The following MED12L variants were observed in gnomAD, a reference collection of about 807,000 sequenced individuals.
MED12L encodes the protein mediator complex subunit 12L.
MED12L carries 60 observed loss-of-function variants against 281.3 expected under a neutral mutation model. That is an observed-to-expected ratio of 0.21 (90% CI 0.17 to 0.26). MED12L has a LOEUF of 0.26. Among genes scored for constraint, MED12L ranks in the 10% least tolerant of loss-of-function variants. MED12L has a pLI of 1.00. For missense variants in MED12L, 2,146 were observed against 2,680.9 expected, an observed-to-expected ratio of 0.80 and a Z score of 4.41; for synonymous variants, 974 against 987.2, an observed-to-expected ratio of 0.99 and a Z score of 0.25.
At chr3:151,432,617 G>A (rs1719661056) in intron 44 of MED12L, 135 bp from the exon 45 acceptor site, 5 of 622,970 alleles carry the variant, frequency 8.0e-6, no homozygotes, top group Non-Finnish European at 1.4e-5. Context: ...GTTTTTCAGG[G>A]CAAGGATAGT....
At chr3:151,223,454 T>C (rs552670947) in intron 16 of MED12L, among the ~76,000 whole-genome samples, 2 of 152,300 alleles carry the variant, frequency 1.3e-5, no homozygotes, top group East Asian at 3.9e-4. Flanking sequence ...TGCCTATCAA[T>C]GATGGATTGG....
rs1293548298 is a variant in MED12L at position 151,160,007 on chromosome 3, G to A, written c.1013G>A (p.Gly338Asp). ...SIGAPSPGPP[G>D]PGMSPVQLAF... ...GGGGCCCCCAGCCCTGGCCCCCCCG[G>A]CCCTGGCATGAGCCCCGTGCAGCTG... The change falls in exon 8 of 45, where the codon GGC (glycine) becomes GAC (aspartate). Residue 338 changes from glycine to aspartate, a missense_variant. Physicochemically the swap from Gly to Asp is moderately conservative, Grantham distance 94. Coordinates refer to ENST00000687756, the MANE Select transcript of MED12L (RefSeq NM_001393769.1). The A allele has an allele frequency of 1.2e-6, 2 of 1,614,138 alleles. No homozygotes were observed. Among genetic ancestry groups the A allele is most frequent in the Non-Finnish European group, 1.7e-6 (2 of 1,179,994 alleles).
chr3:151,415,823 A>G (rs1717471170), intron 42 of MED12L, among the ~76,000 whole-genome samples: 1 of 152,224 alleles, frequency 6.6e-6, no homozygotes, highest in Non-Finnish European at 1.5e-5. Flanking sequence ...GATGTAAATT[A>G]TGCCAGAAGG....
At chr3:151,209,845 A>G (rs1361894320) in intron 16 of MED12L, among the ~76,000 whole-genome samples, 1 of 152,158 alleles carries the variant, frequency 6.6e-6, no homozygotes, top group Non-Finnish European at 1.5e-5. Context: ...AACTCTTTAG[A>G]TTACTCTGTT....
At chr3:151,193,940 T>C (rs1724299068) in intron 16 of MED12L, among the ~76,000 whole-genome samples, 1 of 151,274 alleles carries the variant, frequency 6.6e-6, no homozygotes, top group African/African-American at 2.4e-5. Context: ...CTGCAGGTGA[T>C]GTCTAAATGT....
intron 39 of MED12L, among the ~76,000 whole-genome samples, chr3:151,408,311 A>G (rs769480159): frequency 5.3e-5 from 8 of 152,214 alleles, no homozygotes; most frequent in Non-Finnish European, 1.0e-4. Context: ...CTCTTAAGCT[A>G]CATATTTATC....
intron 16 of MED12L, among the ~76,000 whole-genome samples, chr3:151,312,044 A>AAAC (rs34445658): frequency 0.83 from 125,837 of 151,956 alleles, 52,434 homozygotes; most frequent in African/African-American, 0.93. Context: ...TCCGTCTCAA[A>AAAC]AACAACAACA....
At chr3:151,112,282 CT>C (rs11330453) in intron 2 of MED12L, among the ~76,000 whole-genome samples, 69,164 of 133,038 alleles carry the variant, frequency 0.52, 18,692 homozygotes, top group African/African-American at 0.78. Flanking sequence ...ATTTCTTTTT[CT>C]TTTTTTTTTT....
At chr3:151,126,721 A>G (rs1295963577) in intron 4 of MED12L, among the ~76,000 whole-genome samples, 1 of 152,250 alleles carries the variant, frequency 6.6e-6, no homozygotes, top group African/African-American at 2.4e-5. Flanking sequence ...AGAAAGGGTC[A>G]CATCCATGGC....
At chr3:151,139,826 ATG>A (rs1039719460) in intron 5 of MED12L, among the ~76,000 whole-genome samples, 63 of 152,126 alleles carry the variant, frequency 4.1e-4, no homozygotes, top group African/African-American at 1.4e-3. Context: ...TGAGGAGTTT[ATG>A]GACAATAGGC....
At chr3:151,161,657 A>C (rs1720005861) in intron 8 of MED12L, among the ~76,000 whole-genome samples, 2 of 152,226 alleles carry the variant, frequency 1.3e-5, no homozygotes, top group Non-Finnish European at 2.9e-5. Context: ...TAAGTCATTT[A>C]GTTCTTGGAA....
chr3:151,111,468 G>C (rs1711880581), intron 2 of MED12L, among the ~76,000 whole-genome samples: 1 of 152,176 alleles, frequency 6.6e-6, no homozygotes, highest in Non-Finnish European at 1.5e-5. Context: ...AGCTTGCTTA[G>C]AGTCCCTCTT....
In MED12L at chr3:151,156,174, A is replaced by G. The variant is rs1339316348; in HGVS notation, c.570A>G (p.Ile190Met). ...TTTAAAATGCAGAGTGGACACAGAT[A>G]TCTACCAGATATCTTCGAGAGCAGT... is the stretch of plus-strand genomic sequence containing the variant. ...APDPNLEWTQ[I>M]STRYLREQLA... The change falls in exon 6 of 45, where the codon ATA (isoleucine) becomes ATG (methionine). Residue 190 changes from isoleucine to methionine, a missense_variant. Physicochemically the swap from Ile to Met is conservative, Grantham distance 10 (BLOSUM62 1). Transcript: ENST00000687756. The G allele has an allele frequency of 1.2e-6, 2 of 1,608,238 alleles. No individual in the cohort carries two copies. Among genetic ancestry groups the G allele is most frequent in the South Asian group, 2.2e-5 (2 of 89,674 alleles).
intron 5 of MED12L, among the ~76,000 whole-genome samples, chr3:151,133,142 T>C (rs1434049616): frequency 6.6e-6 from 1 of 152,254 alleles, no homozygotes; most frequent in Non-Finnish European, 1.5e-5. Context: ...TTAGGATTTG[T>C]AAAGTGTTTT....
chr3:151,292,288 CTTTTT>C (rs35742538), intron 16 of MED12L, among the ~76,000 whole-genome samples: 124 of 139,814 alleles, frequency 8.9e-4, no homozygotes, highest in Non-Finnish European at 9.4e-4. Context: ...AATATTGCTC[CTTTTT>C]TTTTTTTTTT....
At chr3:151,313,691 A>G (rs61097635) in intron 16 of MED12L, among the ~76,000 whole-genome samples, 4,057 of 152,202 alleles carry the variant, frequency 0.027, 162 homozygotes, top group African/African-American at 0.094. Context: ...TAAAAATACA[A>G]AAATTAGCTG....
chr3:151,127,906 A>G lies in MED12L; in HGVS notation c.478A>G (p.Ile160Val). Residue 160 changes from isoleucine to valine, a missense_variant, in exon 5 of 45, where the codon ATC becomes GTC. By Grantham distance (29) the Ile-to-Val change is conservative (BLOSUM62 3). This residue lies in a region of MED12L where 722 missense variants were observed against 861.2 expected (regional missense o/e 0.84). Coordinates refer to ENST00000687756, the MANE Select transcript of MED12L (RefSeq NM_001393769.1). Reference protein sequence around the residue: ...SVPMVRATWLIKMTCAYYSAI... With the variant: ...SVPMVRATWLVKMTCAYYSAI... ...GCCAATGGTTCGAGCAACGTGGCTG[A>G]TCAAGATGACTTGTGCCTATTATTC... 6.2e-7 allele frequency: 1 copy of G among 1,614,086 alleles called. No individual in the cohort carries two copies. Among genetic ancestry groups the G allele is most frequent in the Non-Finnish European group, 8.5e-7 (1 of 1,179,940 alleles).
Position 151,394,862 on chromosome 3 carries a change from C to G in MED12L, c.5815C>G (p.Gln1939Glu). The change falls in exon 39 of 45, where the codon CAA becomes GAA. Residue 1939 changes from glutamine (Q) to glutamate (E), a missense_variant. By Grantham distance (29) the Gln-to-Glu change is conservative. Around this residue, in one of 9 missense-constraint regions of MED12L, gnomAD observed 496 missense variants for 512.0 expected, o/e 0.97. Transcript: ENST00000687756. Reference protein sequence around the residue: ...LLRQAQTRPFQQGQPGDQAAL... With the variant: ...LLRQAQTRPFEQGQPGDQAAL... ...CAGGCAAGCCCAGACTCGGCCTTTC[C>G]AACAGGTTTGTCCAGACCCCAGCAA... 1 of 1,613,938 alleles carries G rather than the reference C, an allele frequency of 6.2e-7. No homozygotes were observed. Among genetic ancestry groups the G allele is most frequent in the Non-Finnish European group, 8.5e-7 (1 of 1,180,034 alleles).
intron 16 of MED12L, chr3:151,214,154 TC>T: frequency 6.2e-7 from 1 of 1,614,084 alleles, no homozygotes; most frequent in Non-Finnish European, 8.5e-7. Context: ...ATGATGAAAC[TC>T]TTAGAGCTGG....
Sources: allele counts gnomAD v4.1 joint callset (sites outside exome capture counted in the v4.1 genomes callset), GRCh38; gene constraint gnomAD v4.1.1; regional missense constraint gnomAD v4.1.1; transcripts MANE v1.5; gene names NCBI Gene and HGNC (gene_info 2026-07-23, HGNC 2026-07-21).